The following VPS11 variants were observed in gnomAD, a reference collection of about 807,000 sequenced individuals.
VPS11 encodes VPS11 core subunit of CORVET and HOPS complexes.
VPS11 carries 51 observed loss-of-function variants against 106.8 expected under a neutral mutation model. The observed-to-expected ratio is 0.48, with a 90% CI of 0.38 to 0.60. The LOEUF (loss-of-function observed/expected upper bound fraction) is 0.60, where lower values mean the gene tolerates loss of function less well. Among genes scored for constraint, VPS11 ranks in the 20% least tolerant of loss-of-function variants. VPS11 has a pLI of 0.00. For missense variants in VPS11, 950 were observed against 1,190.0 expected (o/e 0.80, Z 2.97); for synonymous variants, 453 against 458.7 (o/e 0.99, Z 0.16).
At position 119,078,207 on chromosome 11, in the gene VPS11, A is replaced by G; in HGVS notation, c.1796A>G (p.Asn599Ser). The change falls in exon 11 of 16, where the codon AAT becomes AGT. Residue 599 changes from asparagine (N) to serine (S), a missense_variant. Coordinates refer to ENST00000621676, the MANE Select transcript of VPS11 (RefSeq NM_021729.6). The stretch of plus-strand genomic sequence containing the variant: ...GAGGAGTTCATCCCCATCTTTGCCA[A>G]TAACCCGCGAGAGCTGAAAGCCTTC... ...NSEEFIPIFANNPRELKAFLE... is the reference protein window; with the variant it reads ...NSEEFIPIFASNPRELKAFLE... The G allele has an allele frequency of 6.2e-7, 1 of 1,613,632 alleles. No individual in the cohort carries two copies. Among genetic ancestry groups the G allele is most frequent in the African/African-American group, 1.3e-5 (1 of 75,040 alleles).
intron 8 of VPS11, 48 bp from the exon 9 acceptor site, chr11:119,077,453 C>G: frequency 1.3e-6 from 2 of 1,588,476 alleles, no homozygotes; most frequent in Non-Finnish European, 1.7e-6. Flanking sequence ...CCTCTCCCTT[C>G]TCTATCTCCC....
At chr11:119,076,537 A>T (rs1330862026) in intron 7 of VPS11, among the ~76,000 whole-genome samples, 6 of 152,086 alleles carry the variant, frequency 3.9e-5, no homozygotes, top group African/African-American at 7.2e-5. Flanking sequence ...AAAAAAAAAA[A>T]AATTAATTAA....
At chr11:119,074,148 C>T (rs367605487) in intron 7 of VPS11, among the ~76,000 whole-genome samples, 197 bp downstream of exon 7, 351 of 151,836 alleles carry the variant, frequency 2.3e-3, no homozygotes, top group African/African-American at 7.3e-3. Flanking sequence ...TGCAATGGCG[C>T]GATCTCGACT....
chr11:119,069,601 CTCCTAGATT>C (rs1945290803), intron 3 of VPS11, 24 bp downstream of exon 3: 2 of 1,613,732 alleles, frequency 1.2e-6, no homozygotes, highest in African/African-American at 1.3e-5. Flanking sequence ...AAAACTAACC[CTCCTAGATT>C]TGTTATAGAT....
rs1031725837 is a variant in VPS11 at position 119,079,204 on chromosome 11, A to G, written c.2342A>G (p.Lys781Arg). The change falls in exon 14 of 16, where the codon AAA (lysine) becomes AGA (arginine). Residue 781 changes from lysine to arginine, a missense_variant. Lys to Arg is a conservative substitution (Grantham distance 26). Coordinates refer to ENST00000621676, the MANE Select transcript of VPS11 (RefSeq NM_021729.6). ...GACTACCTGGTCCAAAAACTACAGA[A>G]ACAGAGCCAGCAGATTGCACAGGAT... ...IRDYLVQKLQ[K>R]QSQQIAQDEL... The G allele has an allele frequency of 3.7e-6, 6 of 1,613,288 alleles. No individual in the cohort carries two copies. Among genetic ancestry groups the G allele is most frequent in the South Asian group, 1.1e-5 (1 of 90,952 alleles).
chr11:119,078,613 C>T lies in VPS11; in HGVS notation c.1972C>T (p.Arg658Cys), dbSNP rs782680297. The stretch of plus-strand genomic sequence containing the variant: ...GGCCATTTCCCTGCTGAAGAGTGGT[C>T]GCTTCTGCGACGTCTTTGACAAGGC... ...AEAISLLKSG[R>C]FCDVFDKALV... Residue 658 changes from arginine (R) to cysteine (C), a missense_variant, in exon 12 of 16, where the codon CGC becomes TGC. Arg to Cys is a radical substitution (Grantham distance 180). Coordinates refer to ENST00000621676, the MANE Select transcript of VPS11 (RefSeq NM_021729.6). 5.3e-5 allele frequency: 85 copies of T among 1,613,692 alleles called. No homozygotes were observed. Among genetic ancestry groups the T allele is most frequent in the Non-Finnish European group, 7.0e-5 (82 of 1,179,742 alleles).
intron 4 of VPS11, 130 bp from the exon 5 acceptor site, chr11:119,071,466 A>G (rs1945389188): frequency 5.9e-6 from 7 of 1,182,744 alleles, no homozygotes; most frequent in Non-Finnish European, 8.2e-6. Context: ...GAAGAAGGCC[A>G]GCAGCCAAGA....
Position 119,070,359 on chromosome 11 carries a change from A to G in VPS11, c.598A>G (p.Thr200Ala), listed in dbSNP as rs950788333. 3 of 1,613,412 alleles carry G rather than the reference A, an allele frequency of 1.9e-6. No homozygotes were observed. Among genetic ancestry groups the G allele is most frequent in the Non-Finnish European group, 1.7e-6 (2 of 1,179,562 alleles). ...ATTGGCCTTTCGCCAAGCAGGAAAG[A>G]CCACTCACTTGTTTGTTGTGACAAC... ...TGLAFRQAGK[T>A]THLFVVTTEN... Residue 200 changes from threonine to alanine, a missense_variant, in exon 4 of 16, where the codon ACC becomes GCC. Thr to Ala is a moderately conservative substitution (Grantham distance 58, BLOSUM62 0). This residue lies in a region of VPS11 where 435 missense variants were observed against 630.2 expected (regional missense o/e 0.69). Transcript: ENST00000621676.
intron 5 of VPS11, 134 bp downstream of exon 5, chr11:119,071,977 T>G (rs892572655): frequency 5.3e-5 from 41 of 774,530 alleles, no homozygotes; most frequent in Non-Finnish European, 6.0e-5. Context: ...AACATTTCTG[T>G]TTTTTTTTTT....
chr11:119,069,659 T>C, intron 3 of VPS11, 82 bp downstream of exon 3: 1 of 1,589,890 alleles, frequency 6.3e-7, no homozygotes, highest in Non-Finnish European at 8.6e-7. Context: ...CTTTACTGTT[T>C]TCAGGAGACC....
At chr11:119,070,492 G>A (rs1424525145) in intron 4 of VPS11, 95 bp downstream of exon 4, 1 of 1,289,874 alleles carries the variant, frequency 7.8e-7, no homozygotes, top group East Asian at 2.6e-5. Context: ...AGGTGGGAGT[G>A]TTAAAGTTTT....
At chr11:119,079,878 C>G (rs1005814575) in intron 14 of VPS11, among the ~76,000 whole-genome samples, 1 of 151,990 alleles carries the variant, frequency 6.6e-6, no homozygotes, top group Non-Finnish European at 1.5e-5. Context: ...AATCCCAACT[C>G]TGAAATCTTA....
In VPS11 at chr11:119,078,713, T is replaced by G; in HGVS notation, c.2063+9T>G. 3 of 1,610,174 alleles carry G rather than the reference T, an allele frequency of 1.9e-6. No homozygotes were observed. Among genetic ancestry groups the G allele is most frequent in the Non-Finnish European group, 2.5e-6 (3 of 1,177,548 alleles). ...TATGAGCAGGGGAAGCTGTAAGAGT[T>G]TGGGGAATTTCAGGGAAAGGGGAAG... On this transcript the variant is annotated intron_variant, in intron 12 of 15. Transcript: ENST00000621676.
intron 11 of VPS11, 90 bp from the exon 12 acceptor site, chr11:119,078,475 G>A: frequency 6.3e-7 from 1 of 1,578,912 alleles, no homozygotes; most frequent in Non-Finnish European, 8.6e-7. Flanking sequence ...AAGAGGGAAT[G>A]GACTGAGGGA....
At position 119,069,516 on chromosome 11, in the gene VPS11, A is replaced by C. The variant is rs1198813758; in HGVS notation, c.411A>C (p.Gly137=). ...CTCGAATCTTCCCTGCTATTCCAGGAACAGAGCCAACTGTTGTATCTTGTT... is the reference window on the plus strand; with the variant it reads ...CTCGAATCTTCCCTGCTATTCCAGGCACAGAGCCAACTGTTGTATCTTGTT... ...LCTRIFPAIP[G]TEPTVVSCLT... The change falls in exon 3 of 16, where the codon GGA becomes GGC. Residue 137 remains glycine, a synonymous_variant. Transcript: ENST00000621676. The C allele has an allele frequency of 6.2e-7, 1 of 1,613,922 alleles. No individual in the cohort carries two copies. Among genetic ancestry groups the C allele is most frequent in the East Asian group, 2.2e-5 (1 of 44,904 alleles).
intron 9 of VPS11, 59 bp from the exon 10 acceptor site, chr11:119,077,819 A>C (rs1283854709): frequency 6.3e-7 from 1 of 1,591,098 alleles, no homozygotes; most frequent in Non-Finnish European, 8.6e-7. Context: ...GAATGGTGAA[A>C]GTGCTTCCTG....
intron 1 of VPS11, among the ~76,000 whole-genome samples, 196 bp from the exon 2 acceptor site, chr11:119,068,996 ACCCC>A (rs57666763): frequency 2.6e-4 from 3 of 11,572 alleles, no homozygotes; most frequent in Admixed American, 1.3e-3. Flanking sequence ...GGTGATCCGC[ACCCC>A]CCCCCCCCCC....
In VPS11 at chr11:119,067,861, TCGA is replaced by T; in HGVS notation, c.40_42del (p.Asp14del). 6.4e-7 allele frequency: 1 copy of T among 1,564,374 alleles called. No homozygotes were observed. Among genetic ancestry groups the T allele is most frequent in the Non-Finnish European group, 8.7e-7 (1 of 1,153,444 alleles). ...CTGCAGTGGCGGCGCTTCGTTTTCTTCGACAAGGAGCTGGTGAAGGAGCCGCTG... is the reference window on the plus strand; with the variant it reads ...CTGCAGTGGCGGCGCTTCGTTTTCTTCAAGGAGCTGGTGAAGGAGCCGCTG... On this transcript the variant is annotated inframe_deletion, in exon 1 of 16. Transcript: ENST00000621676.
At position 119,078,888 on chromosome 11, in the gene VPS11, G is replaced by A. The variant is rs782085196; in HGVS notation, c.2157G>A (p.Leu719=). The A allele has an allele frequency of 4.3e-6, 7 of 1,613,932 alleles. No homozygotes were observed. The East Asian group carries it at 1.1e-4, about 26-fold the overall frequency. The change falls in exon 13 of 16, where the codon TTG becomes TTA. Residue 719 remains leucine, a synonymous_variant. Transcript: ENST00000621676. The stretch of plus-strand genomic sequence containing the variant: ...GCCATGGGGAGCAGGACCCCTCCTT[G>A]TGGGAGCAGGCCCTCAGCTACTTCG... ...CERHGEQDPS[L]WEQALSYFAR...
Sources: gnomAD v4.1 joint callset for allele counts (sites outside exome capture counted in the v4.1 genomes callset) on GRCh38, gnomAD v4.1.1 for gene constraint, gnomAD v4.1.1 regional missense constraint, MANE v1.5 for transcripts, NCBI Gene and HGNC (gene_info 2026-07-23, HGNC 2026-07-21) for gene names.